Variants in AGBL1 observed in about 807,000 individuals in gnomAD.
The protein encoded by AGBL1 is AGBL carboxypeptidase 1.
In AGBL1, 130 loss-of-function variants were observed where a neutral mutation model predicts 118.9. The ratio of observed to expected loss-of-function variants is 1.09; its 90% CI spans 0.95 to 1.26. The LOEUF (loss-of-function observed/expected upper bound fraction) is 1.26, where lower values mean the gene tolerates loss of function less well. Among genes scored for constraint, AGBL1 ranks in the 50% most tolerant of loss-of-function variants. AGBL1 has a pLI of 0.00. For synonymous variants in AGBL1, 555 were observed against 478.9 expected (o/e 1.16, Z -2.08); for missense variants, 1,584 against 1,298.1 (o/e 1.22, Z -3.38).
At chr15:86,861,459 A>G (rs1048991529) in intron 22 of AGBL1, among the ~76,000 whole-genome samples, 3 of 152,218 alleles carry the variant, frequency 2.0e-5, no homozygotes, top group African/African-American at 7.2e-5. Context: ...TAATATGTTC[A>G]ATGAAGTTCA....
At chr15:86,839,822 C>G (rs1002963784) in intron 22 of AGBL1, among the ~76,000 whole-genome samples, 1 of 152,176 alleles carries the variant, frequency 6.6e-6, no homozygotes, top group Non-Finnish European at 1.5e-5. Context: ...CCCAGTCAAG[C>G]TGGGTTCCAG....
At chr15:86,461,736 C>T (rs2082337623) in intron 18 of AGBL1, among the ~76,000 whole-genome samples, 2 of 152,056 alleles carry the variant, frequency 1.3e-5, no homozygotes, top group East Asian at 3.9e-4. Context: ...TTGCATTGAT[C>T]AACATTTCCT....
chr15:86,830,763 A>T (rs1207815966), intron 22 of AGBL1, among the ~76,000 whole-genome samples: 1 of 152,202 alleles, frequency 6.6e-6, no homozygotes, highest in South Asian at 2.1e-4. Context: ...ACTGGACTTA[A>T]TAGGTACTCC....
intron 23 of AGBL1, among the ~76,000 whole-genome samples, chr15:86,951,016 G>C (rs2080875912): frequency 6.6e-6 from 1 of 152,186 alleles, no homozygotes. Flanking sequence ...CTCAAATGCA[G>C]AGTTCTACAA....
chr15:86,303,914 G>A (rs1007778001), intron 17 of AGBL1, among the ~76,000 whole-genome samples: 5 of 152,146 alleles, frequency 3.3e-5, no homozygotes, highest in Non-Finnish European at 7.4e-5. Flanking sequence ...TTTAGATGAT[G>A]AAATTGAGAC....
At chr15:86,687,350 G>A (rs953219023) in intron 22 of AGBL1, among the ~76,000 whole-genome samples, 2 of 152,004 alleles carry the variant, frequency 1.3e-5, no homozygotes, top group African/African-American at 4.8e-5. Flanking sequence ...CCAAGAAGAA[G>A]GTGTCTGGCT....
chr15:86,302,269 A>G (rs769725456), intron 17 of AGBL1, among the ~76,000 whole-genome samples: 6 of 152,190 alleles, frequency 3.9e-5, no homozygotes, highest in Non-Finnish European at 8.8e-5. Context: ...ACAGTTTTAC[A>G]TAATATCATT....
At chr15:86,626,416 C>A (rs1208566126) in intron 21 of AGBL1, among the ~76,000 whole-genome samples, 3 of 152,106 alleles carry the variant, frequency 2.0e-5, no homozygotes, top group Non-Finnish European at 4.4e-5. Context: ...AACAGAGAAC[C>A]AAACACAGCA....
intron 18 of AGBL1, among the ~76,000 whole-genome samples, chr15:86,446,904 A>G (rs1370266713): frequency 6.6e-6 from 1 of 152,198 alleles, no homozygotes; most frequent in Non-Finnish European, 1.5e-5. Flanking sequence ...GTATATCTGG[A>G]TTGTTGTTCT....
intron 23 of AGBL1, among the ~76,000 whole-genome samples, chr15:86,958,560 G>C (rs2080957501): frequency 6.6e-6 from 1 of 152,066 alleles, no homozygotes; most frequent in Non-Finnish European, 1.5e-5. Flanking sequence ...ACAATTAGCT[G>C]TTTATAGAAA....
chr15:86,738,733 C>T (rs2077636664), intron 22 of AGBL1, among the ~76,000 whole-genome samples: 1 of 152,140 alleles, frequency 6.6e-6, no homozygotes, highest in Admixed American at 6.5e-5. Flanking sequence ...ATAAATATCT[C>T]TATTGCAGGC....
chr15:86,607,080 G>C (rs139348865), intron 21 of AGBL1, among the ~76,000 whole-genome samples: 3 of 152,144 alleles, frequency 2.0e-5, no homozygotes, highest in Non-Finnish European at 1.5e-5. Flanking sequence ...AGCCTTTTCA[G>C]ATTGGCTTCT....
intron 23 of AGBL1, among the ~76,000 whole-genome samples, chr15:86,978,128 G>A (rs538859405): frequency 3.3e-5 from 5 of 152,154 alleles, no homozygotes; most frequent in East Asian, 1.9e-4. Context: ...CAAATTCACA[G>A]ACTACTACCT....
intron 22 of AGBL1, among the ~76,000 whole-genome samples, chr15:86,843,950 T>G (rs1169407061): frequency 6.6e-6 from 1 of 152,192 alleles, no homozygotes; most frequent in East Asian, 1.9e-4. Flanking sequence ...CTTACAGATT[T>G]TCTTTTCTGG....
At chr15:86,787,627 C>T (rs2078432322) in intron 22 of AGBL1, among the ~76,000 whole-genome samples, 1 of 152,072 alleles carries the variant, frequency 6.6e-6, no homozygotes, top group Non-Finnish European at 1.5e-5. Context: ...CCTTTGTATA[C>T]ATATGTATGT....
chr15:86,284,620 A>G (rs1344326317), intron 16 of AGBL1, among the ~76,000 whole-genome samples: 1 of 152,182 alleles, frequency 6.6e-6, no homozygotes, highest in African/African-American at 2.4e-5. Context: ...GTAGACAAAT[A>G]AAGTAGGCCA....
intron 21 of AGBL1, among the ~76,000 whole-genome samples, chr15:86,579,478 T>G (rs190782561): frequency 6.6e-6 from 1 of 152,206 alleles, no homozygotes; most frequent in Admixed American, 6.5e-5. Flanking sequence ...AAGCTGATAT[T>G]TCTACTTTCT....
intron 22 of AGBL1, among the ~76,000 whole-genome samples, chr15:86,686,563 G>A (rs758824927): frequency 1.1e-4 from 17 of 148,012 alleles, no homozygotes; most frequent in East Asian, 6.4e-4. Flanking sequence ...TCAGCCTCCC[G>A]AGTAGCTGAG....
chr15:86,365,732 A>C (rs2080877064), intron 17 of AGBL1, among the ~76,000 whole-genome samples: 1 of 151,978 alleles, frequency 6.6e-6, no homozygotes, highest in South Asian at 2.1e-4. Flanking sequence ...AGAACCTTTA[A>C]GCTTGTTTGG....
Sources: gnomAD v4.1 joint callset for allele counts (sites outside exome capture counted in the v4.1 genomes callset) on GRCh38, gnomAD v4.1.1 for gene constraint, MANE v1.5 for transcripts, NCBI Gene and HGNC (gene_info 2026-07-23, HGNC 2026-07-21) for gene names.